The following MALT1 variants were observed in gnomAD, a reference collection of about 807,000 sequenced individuals.
The protein encoded by MALT1 is MALT1 paracaspase, also known as mucosa-associated lymphoid tissue lymphoma translocation protein 1.
MALT1 carries 36 observed loss-of-function variants against 85.5 expected under a neutral mutation model. That is an observed-to-expected ratio of 0.42 (90% CI 0.32 to 0.56). The LOEUF is 0.56. Among genes scored for constraint, MALT1 ranks in the 20% least tolerant of loss-of-function variants. MALT1 has a pLI of 0.10. For synonymous variants in MALT1, 359 were observed against 361.3 expected (o/e 0.99, Z 0.07); for missense variants, 716 against 981.6 (o/e 0.73, Z 3.62).
At chr18:58,745,600 G>A (rs920284991) in intron 15 of MALT1, 66 bp from the exon 16 acceptor site, 15 of 1,416,524 alleles carry the variant, frequency 1.1e-5, no homozygotes, top group Middle Eastern at 1.8e-4. Flanking sequence ...GATGTCTTAT[G>A]TACTAGATTA....
intron 2 of MALT1, among the ~76,000 whole-genome samples, chr18:58,681,895 T>G (rs925565302): frequency 6.6e-6 from 1 of 152,182 alleles, no homozygotes; most frequent in Non-Finnish European, 1.5e-5. Flanking sequence ...AGGCGAGGCT[T>G]AGGAAACAGT....
chr18:58,721,577 A>G (rs2054983705), intron 9 of MALT1, among the ~76,000 whole-genome samples: 1 of 152,190 alleles, frequency 6.6e-6, no homozygotes, highest in East Asian at 1.9e-4. Context: ...ATGATATAAA[A>G]TTACTGAGGC....
chr18:58,718,409 A>G (rs1423111879), intron 9 of MALT1, among the ~76,000 whole-genome samples: 2 of 152,212 alleles, frequency 1.3e-5, no homozygotes, highest in Non-Finnish European at 2.9e-5. Context: ...ACTGAGACAC[A>G]CAGCAGGAGG....
chr18:58,732,137 G>A (rs1451033397), intron 10 of MALT1, among the ~76,000 whole-genome samples: 1 of 152,030 alleles, frequency 6.6e-6, no homozygotes, highest in Non-Finnish European at 1.5e-5. Context: ...CTGTCTAAAT[G>A]GCTTTTACTA....
At chr18:58,693,512 A>G (rs1297600451) in intron 2 of MALT1, among the ~76,000 whole-genome samples, 1 of 152,116 alleles carries the variant, frequency 6.6e-6, no homozygotes, top group Non-Finnish European at 1.5e-5. Context: ...ACAGCCTTCT[A>G]TTGGAAGAAG....
chr18:58,727,333 T>C (rs969716020), intron 10 of MALT1, among the ~76,000 whole-genome samples: 10 of 152,170 alleles, frequency 6.6e-5, no homozygotes, highest in African/African-American at 1.2e-4. Flanking sequence ...GGATGGAGTC[T>C]TGCTCTGTCG....
intron 2 of MALT1, chr18:58,690,965 T>G: frequency 3.6e-6 from 1 of 281,108 alleles, no homozygotes; most frequent in Non-Finnish European, 7.1e-6. Flanking sequence ...GATAAAGTTG[T>G]GTAAGTCTCA....
At chr18:58,712,238 A>G (rs1047122791) in intron 7 of MALT1, among the ~76,000 whole-genome samples, 1 of 152,174 alleles carries the variant, frequency 6.6e-6, no homozygotes, top group African/African-American at 2.4e-5. Context: ...ATTTTTTTCA[A>G]TGAAAGTCCA....
intron 2 of MALT1, among the ~76,000 whole-genome samples, chr18:58,687,837 C>T (rs1427952421): frequency 6.6e-6 from 1 of 152,156 alleles, no homozygotes; most frequent in African/African-American, 2.4e-5. Flanking sequence ...TGCTTAATAG[C>T]ATGTACTTGT....
At chr18:58,714,173 C>T (rs1602314280) in intron 8 of MALT1, 64 bp downstream of exon 8, 1 of 769,398 alleles carries the variant, frequency 1.3e-6, no homozygotes, top group East Asian at 2.8e-5. Flanking sequence ...AGCAAAGTTA[C>T]CGTAGGTACT....
chr18:58,699,454 G>GAGTTC (rs1383611075), intron 3 of MALT1, among the ~76,000 whole-genome samples: 3 of 152,218 alleles, frequency 2.0e-5, no homozygotes, highest in Non-Finnish European at 2.9e-5. Context: ...GGAGAGAGTA[G>GAGTTC]AGTTCAGTAA....
intron 10 of MALT1, among the ~76,000 whole-genome samples, chr18:58,724,304 A>C (rs1263814112): frequency 1.3e-5 from 2 of 152,310 alleles, no homozygotes; most frequent in South Asian, 4.1e-4. Context: ...ATCTTACTTA[A>C]ATGAGTTTCC....
At position 58,702,718 on chromosome 18, in the gene MALT1, A is replaced by G. The variant is rs553870915; in HGVS notation, c.649+2127A>G. The stretch of plus-strand genomic sequence containing the variant: ...TGCTCCTAAAAAATGATCTTGTGGA[A>G]AAAAACTCTAGCGTTGATGTCAGCA... On this transcript the variant is annotated intron_variant, in intron 4 of 16. Transcript: ENST00000649217. Among the ~76,000 whole-genome samples the G allele has an allele frequency of 3.3e-5, 5 of 152,350 alleles. No homozygotes were observed. In the East Asian group the frequency reaches 9.6e-4, roughly 29 times the overall value.
Position 58,700,459 on chromosome 18 carries a change from T to C in MALT1, c.517T>C (p.Ser173Pro), listed in dbSNP as rs763791134. 22 of 1,603,244 alleles carry C rather than the reference T, an allele frequency of 1.4e-5. No individual in the cohort carries two copies. Among genetic ancestry groups the C allele is most frequent in the Non-Finnish European group, 3.4e-6 (4 of 1,177,074 alleles). Reference sequence around the variant, plus strand: ...TTCACAGATTCCAAATGGAAATACATCAGAGCTTATTTTTAATGCAGTGCA... The same window carrying C: ...TTCACAGATTCCAAATGGAAATACACCAGAGCTTATTTTTAATGCAGTGCA... Reference protein sequence around the residue: ...MNKEIPNGNTSELIFNAVHVK... With the variant: ...MNKEIPNGNTPELIFNAVHVK... Residue 173 changes from serine (S) to proline (P), a missense_variant, in exon 4 of 17, where the codon TCA becomes CCA. By Grantham distance (74) the Ser-to-Pro change is moderately conservative (BLOSUM62 -1). Transcript: ENST00000649217.
intron 4 of MALT1, among the ~76,000 whole-genome samples, chr18:58,701,296 C>T (rs2054668900): frequency 1.3e-5 from 2 of 152,196 alleles, no homozygotes; most frequent in African/African-American, 4.8e-5. Context: ...CTCCCTGCTG[C>T]TTCCATGGTC....
At position 58,696,412 on chromosome 18, in the gene MALT1, A is replaced by G; in HGVS notation, c.423A>G (p.Gly141=). The change falls in exon 3 of 17, where the codon GGA becomes GGG. Residue 141 remains glycine (G), a synonymous_variant. Coordinates refer to ENST00000649217, the MANE Select transcript of MALT1 (RefSeq NM_006785.4). The part of the protein sequence containing the change: ...VNPESKAVLA[G]QFVKLCCRAT... Reference sequence around the variant, plus strand: ...CAGAGTCAAAGGCAGTCTTGGCTGGACAGTTTGTGAAACTGTGTTGCCGGG... The same window carrying G: ...CAGAGTCAAAGGCAGTCTTGGCTGGGCAGTTTGTGAAACTGTGTTGCCGGG... 3 of 1,586,804 alleles carry G rather than the reference A, an allele frequency of 1.9e-6. No homozygotes were observed. The highest frequency in any genetic ancestry group is 1.7e-6 in the Non-Finnish European group (2 of 1,168,648).
At position 58,747,803 on chromosome 18, in the gene MALT1, AT is replaced by A. The variant is rs746085726; in HGVS notation, c.2439del (p.Phe813LeufsTer20). On this transcript the variant is annotated frameshift_variant, in exon 17 of 17. Coordinates refer to ENST00000649217, the MANE Select transcript of MALT1 (RefSeq NM_006785.4). LOFTEE classifies it high-confidence loss of function. ...CAGTAGAGACAACTGATGAAATACCATTTAGTTTCTCTGACAGGCTCAGAAT... is the reference window on the plus strand; with the variant it reads ...CAGTAGAGACAACTGATGAAATACCATTAGTTTCTCTGACAGGCTCAGAAT... ...VPVETTDEIP[F>X]SFSDRLRISE... The A allele has an allele frequency of 5.0e-6, 8 of 1,613,890 alleles. No individual in the cohort carries two copies. In the South Asian group the frequency reaches 7.7e-5, roughly 16 times the overall value.
chr18:58,680,452 A>C (rs1325063465), intron 1 of MALT1, among the ~76,000 whole-genome samples: 2 of 152,156 alleles, frequency 1.3e-5, no homozygotes, highest in Non-Finnish European at 2.9e-5. Context: ...GGATATTTTT[A>C]GTATTTTTCA....
intron 13 of MALT1, chr18:58,741,443 T>C: frequency 6.6e-6 from 1 of 152,362 alleles, no homozygotes; most frequent in Non-Finnish European, 1.5e-5. Flanking sequence ...TATAATTTTG[T>C]CTCTTTTTTT....
Sources: gnomAD v4.1 joint callset for allele counts (sites outside exome capture counted in the v4.1 genomes callset) on GRCh38, gnomAD v4.1.1 for gene constraint, MANE v1.5 for transcripts, NCBI Gene and HGNC (gene_info 2026-07-23, HGNC 2026-07-21) for gene names.